Variants in NOTCH1 observed in about 807,000 individuals in gnomAD.
The protein encoded by NOTCH1 is neurogenic locus notch homolog protein 1.
In NOTCH1, 37 loss-of-function variants were observed where a neutral mutation model predicts 254.8. The observed-to-expected ratio is 0.15, with a 90% confidence interval of 0.11 to 0.19. NOTCH1 has a LOEUF of 0.19. Ranked by LOEUF, NOTCH1 falls within the 10% of genes least tolerant of loss-of-function variation. NOTCH1 has a pLI of 1.00. For synonymous variants in NOTCH1, 1,731 were observed against 1,618.1 expected (o/e 1.07, Z -1.68); for missense variants, 2,972 against 3,708.6 (o/e 0.80, Z 5.16).
At position 136,515,658 on chromosome 9, in the gene NOTCH1, G is replaced by A. The variant is rs778012887; in HGVS notation, c.1728C>T (p.His576=). The change falls in exon 11 of 34, where the codon CAC becomes CAT. Residue 576 remains histidine, a synonymous_variant. Coordinates refer to ENST00000651671, the MANE Select transcript of NOTCH1 (RefSeq NM_017617.5). ...DIDECDPDPC[H]YGSCKDGVAT... ...CGACGCCGTCCTTGCAGGAGCCGTA[G>A]TGGCAGGGGTCGGGGTCGCACTCAT... 8.8e-6 allele frequency: 14 copies of A among 1,583,940 alleles called. No individual in the cohort carries two copies. In the East Asian group the frequency reaches 1.8e-4, roughly 21 times the overall value.
At position 136,523,701 on chromosome 9, in the gene NOTCH1, G is replaced by T. The variant is rs1431415829; in HGVS notation, c.403+16C>A. ...CCTGGGTCTGCCCACCCCTCAGGCT[G>T]TGGGTCCTCCCTCACCTGACCAGCC... On this transcript the variant is annotated intron_variant, in intron 3 of 33. Transcript: ENST00000651671. The T allele has an allele frequency of 1.9e-6, 3 of 1,593,184 alleles. No homozygotes were observed. Among genetic ancestry groups the T allele is most frequent in the Non-Finnish European group, 2.6e-6 (3 of 1,171,926 alleles).
In NOTCH1 at chr9:136,513,241, T is replaced by C; in HGVS notation, c.2354-107A>G. The C allele has an allele frequency of 6.9e-7, 1 of 1,456,914 alleles. No homozygotes were observed. Among genetic ancestry groups the C allele is most frequent in the Non-Finnish European group, 9.6e-7 (1 of 1,045,734 alleles). 90.2% of individuals were successfully genotyped at this position (1,456,914 alleles called of 1,614,324 possible). A position where few individuals can be genotyped will look rare whatever the true frequency, so the allele number is the denominator to read the frequency against. On this transcript the variant is annotated intron_variant, in intron 14 of 33. Transcript: ENST00000651671. The surrounding 1 kb of genome is among the most constrained non-coding windows in gnomAD (Gnocchi z 4.7). ...GCTCCCCACCCCAGGCCCCTCCTCA[T>C]CTCCAAGAGCCAGAGGCCTGGAGCT...
intron 4 of NOTCH1, 23 bp downstream of exon 4, chr9:136,522,826 AC>A (rs1328197806): frequency 2.1e-6 from 3 of 1,460,636 alleles, no homozygotes; most frequent in Non-Finnish European, 2.7e-6. Flanking sequence ...GGGCTCGTGC[AC>A]CCCGGCCAGC....
rs1842889257 is a variant in NOTCH1, at chr9:136,494,575, G to A, written c.*1496C>T. On this transcript the variant is annotated 3_prime_UTR_variant, in exon 34 of 34. Coordinates refer to ENST00000651671, the MANE Select transcript of NOTCH1 (RefSeq NM_017617.5). ...ACTACACTCTATTTTATAAAACACA[G>A]TAAAAATCAACATCTTGGGACGCAT... is the stretch of plus-strand genomic sequence containing the variant. 1 of 398,868 alleles carries A rather than the reference G, an allele frequency of 2.5e-6. No individual in the cohort carries two copies. Among genetic ancestry groups the A allele is most frequent in the Non-Finnish European group, 4.4e-6 (1 of 226,076 alleles). 24.7% of individuals were successfully genotyped at this position (398,868 alleles called of 1,614,324 possible). A position where few individuals can be genotyped will look rare whatever the true frequency, so the allele number is the denominator to read the frequency against.
chr9:136,531,749 C>T (rs568524432), intron 2 of NOTCH1, among the ~76,000 whole-genome samples: 14 of 152,230 alleles, frequency 9.2e-5, no homozygotes, highest in East Asian at 3.8e-4. Context: ...CGGGGGCAGA[C>T]GCCGCCCTCC....
chr9:136,510,048 CAG>C, intron 17 of NOTCH1, 87 bp from the exon 18 acceptor site: 2 of 1,307,506 alleles, frequency 1.5e-6, no homozygotes, highest in Non-Finnish European at 2.2e-6. Context: ...TGGCTGGGGA[CAG>C]CCCAGCCTTT....
In NOTCH1 at chr9:136,501,904, G is replaced by A. The variant is rs753154107; in HGVS notation, c.5482C>T (p.Pro1828Ser). The change falls in exon 30 of 34, where the codon CCC becomes TCC. Residue 1828 changes from proline to serine, a missense_variant. This residue lies in a region of NOTCH1 where 421 missense variants were observed against 604.4 expected (regional missense o/e 0.70). Coordinates refer to ENST00000651671, the MANE Select transcript of NOTCH1 (RefSeq NM_017617.5). ...TCGTCCAGGTCAGGCAGAACCACGG[G>A]CTCCTCGAACTACATAGAGGGAGTG... ...LETKKFRFEE[P>S]VVLPDLDDQT... is the part of the protein sequence containing the mutation. 1.2e-6 allele frequency: 2 copies of A among 1,611,614 alleles called. No homozygotes were observed. Among genetic ancestry groups the A allele is most frequent in the African/African-American group, 1.3e-5 (1 of 74,914 alleles).
intron 6 of NOTCH1, 149 bp from the exon 7 acceptor site, chr9:136,518,441 G>T: frequency 1.7e-6 from 2 of 1,176,644 alleles, no homozygotes; most frequent in Non-Finnish European, 2.4e-6. Flanking sequence ...ACGTTCCGGG[G>T]GACTCACAGC....
rs778271353 is a variant in NOTCH1, at chr9:136,504,826, C to T, written c.4865G>A (p.Arg1622His). The T allele has an allele frequency of 1.9e-5, 30 of 1,573,198 alleles. No homozygotes were observed. The highest frequency in any genetic ancestry group is 2.5e-5 in the Non-Finnish European group (29 of 1,159,822). Residue 1622 changes from arginine to histidine, a missense_variant, in exon 26 of 34, where the codon CGC (arginine) becomes CAC (histidine). Coordinates refer to ENST00000651671, the MANE Select transcript of NOTCH1 (RefSeq NM_017617.5). ...GQQMIFPYYG[R>H]EEELRKHPIK... is the part of the protein sequence containing the mutation. ...GGGGTGCTTGCGCAGCTCCTCCTCG[C>T]GGCCGTAGTAGGGGAAGATCATCTG...
chr9:136,523,227 T>C, intron 3 of NOTCH1, 39 bp from the exon 4 acceptor site: 2 of 1,550,020 alleles, frequency 1.3e-6, no homozygotes, highest in Non-Finnish European at 1.7e-6. Flanking sequence ...CTGGCCTCAC[T>C]GCTCCCCGAG....
At position 136,500,795 on chromosome 9, in the gene NOTCH1, C is replaced by G. The variant is rs373612059; in HGVS notation, c.5691G>C (p.Thr1897=). ...CGTCCTCCTCTTCCTCGCTGTTGCC[C>G]GTCTCCAGGCCGCCCCCGCTGCAGG... The part of the protein sequence containing the change: ...IASCSGGGLE[T]GNSEEEEDAP... Residue 1897 remains threonine (T), a synonymous_variant, in exon 31 of 34, where the codon ACG becomes ACC. Coordinates refer to ENST00000651671, the MANE Select transcript of NOTCH1 (RefSeq NM_017617.5). 13 of 1,600,732 alleles carry G rather than the reference C, an allele frequency of 8.1e-6. No homozygotes were observed. Among genetic ancestry groups the G allele is most frequent in the South Asian group, 2.2e-5 (2 of 91,044 alleles).
At chr9:136,536,114 AC>A (rs1843653133) in intron 2 of NOTCH1, among the ~76,000 whole-genome samples, 1 of 152,042 alleles carries the variant, frequency 6.6e-6, no homozygotes, top group Non-Finnish European at 1.5e-5. Flanking sequence ...ACTGAAAGCA[AC>A]CCCAAAATGC....
At chr9:136,521,045 G>A (rs564221816) in intron 4 of NOTCH1, among the ~76,000 whole-genome samples, 3 of 152,302 alleles carry the variant, frequency 2.0e-5, no homozygotes, top group Admixed American at 6.5e-5. Context: ...GCTCAGGGCC[G>A]CCCCCATCTC....
rs368794429 is a variant in NOTCH1 at position 136,513,357 on chromosome 9, G to A, written c.2353+35C>T. 3.3e-5 allele frequency: 53 copies of A among 1,611,924 alleles called. No individual in the cohort carries two copies. In the African/African-American group the frequency reaches 4.3e-4, roughly 13 times the overall value. ...TCTCCAGCTCCCCAGACTCGAGGGC[G>A]GCCCTCTGCACTGAGAAACGCGCAG... On this transcript the variant is annotated intron_variant, in intron 14 of 33. Transcript: ENST00000651671. The surrounding 1 kb of genome is among the most constrained non-coding windows in gnomAD (Gnocchi z 4.7).
intron 2 of NOTCH1, among the ~76,000 whole-genome samples, chr9:136,533,491 C>T (rs2133391755): frequency 6.6e-6 from 1 of 152,358 alleles, no homozygotes; most frequent in South Asian, 2.1e-4. Context: ...CTCATCTGTC[C>T]CCCGGCTGCG....
intron 15 of NOTCH1, among the ~76,000 whole-genome samples, chr9:136,512,171 CA>C (rs1208330144): frequency 6.6e-6 from 1 of 152,242 alleles, no homozygotes; most frequent in South Asian, 2.1e-4. Context: ...CTGAAAGGGA[CA>C]GGGGCGCCCA....
chr9:136,513,251 C>A lies in NOTCH1; in HGVS notation c.2354-117G>T. 6.8e-7 allele frequency: 1 copy of A among 1,472,342 alleles called. No individual in the cohort carries two copies. 91.2% of individuals were successfully genotyped at this position (1,472,342 alleles called of 1,614,324 possible). On this transcript the variant is annotated intron_variant, in intron 14 of 33. Coordinates refer to ENST00000651671, the MANE Select transcript of NOTCH1 (RefSeq NM_017617.5). This position sits in a 1 kb window ranked among gnomAD's most constrained non-coding sequence, Gnocchi z 4.7. ...CCAGGCCCCTCCTCATCTCCAAGAG[C>A]CAGAGGCCTGGAGCTAAGGCTTTGC...
chr9:136,508,448 C>G (rs894205754), intron 19 of NOTCH1, 63 bp from the exon 20 acceptor site: 3 of 1,608,964 alleles, frequency 1.9e-6, no homozygotes, highest in Non-Finnish European at 2.5e-6. Context: ...TAGCTCAGAA[C>G]GCACATCTGC....
At position 136,505,592 on chromosome 9, in the gene NOTCH1, C is replaced by G. The variant is rs1247192040; in HGVS notation, c.4304G>C (p.Gly1435Ala). The stretch of plus-strand genomic sequence containing the variant: ...CGGCGGGGGGATGTCGCGCCCGGCC[C>G]CACCCCCGAAGCTGTAGTCCAGGAT... ...CHILDYSFGG[G>A]AGRDIPPPLI... The change falls in exon 25 of 34, where the codon GGG becomes GCG. Residue 1435 changes from glycine (G) to alanine (A), a missense_variant. Around this residue, in one of 8 missense-constraint regions of NOTCH1, gnomAD observed 1,343 missense variants for 1,557.0 expected, o/e 0.86. Coordinates refer to ENST00000651671, the MANE Select transcript of NOTCH1 (RefSeq NM_017617.5). 1 of 1,610,760 alleles carries G rather than the reference C, an allele frequency of 6.2e-7. No individual in the cohort carries two copies. The highest frequency in any genetic ancestry group is 1.7e-5 in the Admixed American group (1 of 59,916).
Sources: gnomAD v4.1 joint callset for allele counts (sites outside exome capture counted in the v4.1 genomes callset) on GRCh38, gnomAD v4.1.1 for gene constraint, gnomAD v4.1.1 regional missense constraint, Gnocchi (gnomAD v3.1) non-coding constraint, MANE v1.5 for transcripts, NCBI Gene and HGNC (gene_info 2026-07-23, HGNC 2026-07-21) for gene names.